The following NLGN1 variants were observed in gnomAD, a reference collection of about 807,000 sequenced individuals.
The protein encoded by NLGN1 is neuroligin 1, also known as neuroligin-1.
NLGN1 carries 12 observed loss-of-function variants against 65.5 expected under a neutral mutation model. That is an observed-to-expected ratio of 0.18 (90% CI 0.12 to 0.30). NLGN1 has a LOEUF of 0.30. Among genes scored for constraint, NLGN1 ranks in the 10% least tolerant of loss-of-function variants. NLGN1 has a pLI of 1.00. For synonymous variants in NLGN1, 350 were observed against 359.5 expected, an observed-to-expected ratio of 0.97 and a Z score of 0.30; for missense variants, 750 against 1,007.1, an observed-to-expected ratio of 0.74 and a Z score of 3.46.
intron 1 of NLGN1, among the ~76,000 whole-genome samples, chr3:173,401,947 T>C (rs868747784): frequency 2.0e-5 from 3 of 152,194 alleles, no homozygotes; most frequent in Admixed American, 1.3e-4. Flanking sequence ...TGGAAACATA[T>C]AGCGCTTCAT....
At chr3:173,769,678 G>C (rs754648963) in intron 3 of NLGN1, among the ~76,000 whole-genome samples, 5 of 152,192 alleles carry the variant, frequency 3.3e-5, no homozygotes, top group Non-Finnish European at 5.9e-5. Flanking sequence ...ATTGGAGATG[G>C]AATGTGGGCT....
chr3:173,559,303 A>C (rs774972320), intron 2 of NLGN1, among the ~76,000 whole-genome samples: 2 of 152,190 alleles, frequency 1.3e-5, no homozygotes, highest in African/African-American at 4.8e-5. Flanking sequence ...TCTGATCTAC[A>C]TACAGTCTAC....
At chr3:173,713,221 A>C (rs1769287775) in intron 3 of NLGN1, among the ~76,000 whole-genome samples, 1 of 152,180 alleles carries the variant, frequency 6.6e-6, no homozygotes, top group Non-Finnish European at 1.5e-5. Context: ...AATGTGAAGT[A>C]AGAATAAAGA....
chr3:173,688,145 T>C (rs1038333654), intron 3 of NLGN1, among the ~76,000 whole-genome samples: 1 of 152,322 alleles, frequency 6.6e-6, no homozygotes, highest in East Asian at 1.9e-4. Context: ...AGGCATTTTT[T>C]CAAATATTTA....
At chr3:174,071,354 A>T (rs1739813613) in intron 4 of NLGN1, among the ~76,000 whole-genome samples, 1 of 152,118 alleles carries the variant, frequency 6.6e-6, no homozygotes, top group African/African-American at 2.4e-5. Flanking sequence ...CTTGTATGAA[A>T]CCAGAGGCAG....
chr3:173,891,363 A>G (rs912871656), intron 4 of NLGN1, among the ~76,000 whole-genome samples: 1 of 152,172 alleles, frequency 6.6e-6, no homozygotes, highest in East Asian at 1.9e-4. Context: ...GATATTTTGT[A>G]AGACTTTCAA....
intron 4 of NLGN1, among the ~76,000 whole-genome samples, chr3:173,974,563 T>C (rs943356762): frequency 6.6e-6 from 1 of 151,988 alleles, no homozygotes; most frequent in Non-Finnish European, 1.5e-5. Flanking sequence ...ATTTGTGATT[T>C]GAGGTGGGAA....
At chr3:173,490,158 C>T (rs1215553442) in intron 2 of NLGN1, among the ~76,000 whole-genome samples, 1 of 152,128 alleles carries the variant, frequency 6.6e-6, no homozygotes, top group African/African-American at 2.4e-5. Context: ...GAAGTCCTTG[C>T]CCATGCCTAT....
chr3:173,669,248 A>G (rs1444804657), intron 3 of NLGN1, among the ~76,000 whole-genome samples: 1 of 152,182 alleles, frequency 6.6e-6, no homozygotes, highest in African/African-American at 2.4e-5. Context: ...ATGTAATACA[A>G]TCTTGTTTTA....
At chr3:173,493,257 A>T (rs374336550) in intron 2 of NLGN1, among the ~76,000 whole-genome samples, 9 of 151,896 alleles carry the variant, frequency 5.9e-5, no homozygotes, top group African/African-American at 9.7e-5. Context: ...AGGCGTGTTT[A>T]TGAGATATGA....
chr3:173,430,790 C>T (rs1189356577), intron 1 of NLGN1, among the ~76,000 whole-genome samples: 1 of 152,140 alleles, frequency 6.6e-6, no homozygotes, highest in Non-Finnish European at 1.5e-5. Context: ...TCTCTGCTTC[C>T]CACCGTGTGA....
chr3:173,891,866 C>T (rs1401062189), intron 4 of NLGN1, among the ~76,000 whole-genome samples: 2 of 152,202 alleles, frequency 1.3e-5, no homozygotes, highest in Non-Finnish European at 2.9e-5. Flanking sequence ...GACAAAATTG[C>T]TTCTAACACA....
At chr3:173,996,634 A>T (rs1441018300) in intron 4 of NLGN1, among the ~76,000 whole-genome samples, 2 of 151,992 alleles carry the variant, frequency 1.3e-5, no homozygotes, top group Admixed American at 6.6e-5. Context: ...TAACACCAAC[A>T]CTCTCCACAA....
chr3:173,581,409 C>A (rs1188201204), intron 2 of NLGN1, among the ~76,000 whole-genome samples: 1 of 151,996 alleles, frequency 6.6e-6, no homozygotes, highest in East Asian at 1.9e-4. Flanking sequence ...CTTATGGCTA[C>A]TCTGGCTTTG....
chr3:174,015,335 G>A lies in NLGN1; in HGVS notation c.646+207503G>A, dbSNP rs145505375. ...TCTGGATACTTGAACTCTGAGGTCA[G>A]AGAGGCAGAATGGTCGGGTTCTGGT... is the stretch of plus-strand genomic sequence containing the variant. On this transcript the variant is annotated intron_variant, in intron 4 of 6. Transcript: ENST00000457714. Among the ~76,000 whole-genome samples the A allele has an allele frequency of 5.3e-5, 8 of 152,274 alleles. No individual in the cohort carries two copies. The East Asian group carries it at 1.2e-3, about 22-fold the overall frequency.
intron 3 of NLGN1, among the ~76,000 whole-genome samples, chr3:173,699,377 C>T (rs758953431): frequency 6.6e-5 from 10 of 152,260 alleles, no homozygotes; most frequent in South Asian, 4.2e-4. Context: ...CTATTCTTGA[C>T]GTTAAATATG....
chr3:174,035,480 C>A (rs1730932153), intron 4 of NLGN1, among the ~76,000 whole-genome samples: 1 of 152,192 alleles, frequency 6.6e-6, no homozygotes, highest in Non-Finnish European at 1.5e-5. Context: ...GTCTCACAGG[C>A]TGCTGATGCC....
chr3:173,803,148 A>G (rs912063859), intron 3 of NLGN1, among the ~76,000 whole-genome samples: 3 of 152,152 alleles, frequency 2.0e-5, no homozygotes, highest in Admixed American at 6.6e-5. Flanking sequence ...GCAGAATTGT[A>G]TATCTTTAAG....
At chr3:173,945,628 A>G (rs1182665186) in intron 4 of NLGN1, among the ~76,000 whole-genome samples, 1 of 152,146 alleles carries the variant, frequency 6.6e-6, no homozygotes, top group Non-Finnish European at 1.5e-5. Flanking sequence ...TTATACATGT[A>G]TTATTTTTCT....
Sources: gnomAD v4.1 joint callset for allele counts (sites outside exome capture counted in the v4.1 genomes callset) on GRCh38, gnomAD v4.1.1 for gene constraint, MANE v1.5 for transcripts, NCBI Gene and HGNC (gene_info 2026-07-23, HGNC 2026-07-21) for gene names.